The following HS3ST4 variants were observed in gnomAD, a reference collection of about 807,000 sequenced individuals.
HS3ST4 encodes the protein heparan sulfate glucosamine 3-O-sulfotransferase 4.
Under a neutral mutation model 29.2 loss-of-function variants are expected in HS3ST4, and 17 were observed. The observed-to-expected ratio is 0.58, with a 90% CI of 0.40 to 0.87. HS3ST4 has a LOEUF of 0.87. HS3ST4 is among the 40% of genes least tolerant of loss of function. HS3ST4 has a pLI of 0.00. For missense variants in HS3ST4, 627 were observed against 634.5 expected (o/e 0.99, Z 0.13); for synonymous variants, 314 against 285.7 (o/e 1.10, Z -1.00).
At chr16:26,135,415 T>C (rs957236545) in intron 1 of HS3ST4, among the ~76,000 whole-genome samples, 197 bp from the exon 2 acceptor site, 1 of 152,140 alleles carries the variant, frequency 6.6e-6, no homozygotes, top group Non-Finnish European at 1.5e-5. Flanking sequence ...GTATATGCCT[T>C]GTGTTGCCTT....
chr16:25,934,338 A>T (rs1968497076), intron 1 of HS3ST4, among the ~76,000 whole-genome samples: 1 of 152,246 alleles, frequency 6.6e-6, no homozygotes. Context: ...CAAAGACCTC[A>T]TAGCACAGAT....
chr16:25,853,666 T>A (rs1460124556), intron 1 of HS3ST4, among the ~76,000 whole-genome samples: 1 of 152,230 alleles, frequency 6.6e-6, no homozygotes, highest in African/African-American at 2.4e-5. Context: ...GTTAATATGA[T>A]GTATCACATT....
intron 1 of HS3ST4, among the ~76,000 whole-genome samples, chr16:26,062,048 A>G (rs1295836656): frequency 6.6e-6 from 1 of 152,214 alleles, no homozygotes; most frequent in Non-Finnish European, 1.5e-5. Flanking sequence ...GTGTTCTACC[A>G]TCTGGAGTTG....
intron 1 of HS3ST4, among the ~76,000 whole-genome samples, chr16:25,909,809 A>C (rs1968217929): frequency 6.6e-6 from 1 of 152,240 alleles, no homozygotes. Flanking sequence ...TGTGAGGGTC[A>C]GTACAGGCTC....
rs369054056 is a variant in HS3ST4, at chr16:25,889,321, C to T, written c.734+196170C>T. Reference sequence around the variant, plus strand: ...CCTAATTGTTTCTTAGACTGGAGAACAAGAAAGTCGGGGCTCTCCCCTCCG... The same window carrying T: ...CCTAATTGTTTCTTAGACTGGAGAATAAGAAAGTCGGGGCTCTCCCCTCCG... On this transcript the variant is annotated intron_variant, in intron 1 of 1. Coordinates refer to ENST00000331351, the MANE Select transcript of HS3ST4 (RefSeq NM_006040.3). Among the ~76,000 whole-genome samples, 47 of 152,310 alleles carry T rather than the reference C, an allele frequency of 3.1e-4. No individual in the cohort carries two copies. In the East Asian group the frequency reaches 6.0e-3, roughly 19 times the overall value.
chr16:25,734,698 G>A (rs1288082545), intron 1 of HS3ST4, among the ~76,000 whole-genome samples: 1 of 152,188 alleles, frequency 6.6e-6, no homozygotes, highest in East Asian at 1.9e-4. Flanking sequence ...CATGTAATGA[G>A]CTGGGTGATA....
rs116674556 is a variant in HS3ST4 at position 25,866,771 on chromosome 16, A to G, written c.734+173620A>G. Among the ~76,000 whole-genome samples, 428 of 152,370 alleles carry G rather than the reference A, an allele frequency of 2.8e-3. 3 individuals carry two copies. The highest frequency in any genetic ancestry group is 1.0e-2 in the African/African-American group (414 of 41,584). On this transcript the variant is annotated intron_variant, in intron 1 of 1. Coordinates refer to ENST00000331351, the MANE Select transcript of HS3ST4 (RefSeq NM_006040.3). ...AAACCACCATGGCACATGTATACCT[A>G]GGAAACAAGCCTGCACATTCTGCAC...
At chr16:25,890,214 A>G (rs1035385436) in intron 1 of HS3ST4, among the ~76,000 whole-genome samples, 6 of 152,210 alleles carry the variant, frequency 3.9e-5, no homozygotes, top group Non-Finnish European at 8.8e-5. Flanking sequence ...CCCAAGTCAC[A>G]CAAATAATAT....
intron 1 of HS3ST4, among the ~76,000 whole-genome samples, chr16:26,100,107 C>G (rs548714538): frequency 6.6e-6 from 1 of 151,866 alleles, no homozygotes; most frequent in Non-Finnish European, 1.5e-5. Context: ...GACATACAGA[C>G]GGGAAGAACT....
chr16:26,112,551 T>G (rs1457400698), intron 1 of HS3ST4, among the ~76,000 whole-genome samples: 1 of 151,596 alleles, frequency 6.6e-6, no homozygotes, highest in Non-Finnish European at 1.5e-5. Flanking sequence ...TACATTAACA[T>G]TAAAACTTCT....
At chr16:25,985,405 T>C (rs1332768148) in intron 1 of HS3ST4, among the ~76,000 whole-genome samples, 1 of 151,848 alleles carries the variant, frequency 6.6e-6, no homozygotes, top group East Asian at 1.9e-4. Context: ...AGTGAAGTGG[T>C]AGGGTACAAA....
chr16:25,853,310 GTGTA>G (rs774811530), intron 1 of HS3ST4, among the ~76,000 whole-genome samples: 156 of 143,248 alleles, frequency 1.1e-3, no homozygotes, highest in African/African-American at 3.4e-3. Context: ...GTGTGTGTGT[GTGTA>G]TATATATATA....
At chr16:26,007,485 G>C (rs1006251194) in intron 1 of HS3ST4, among the ~76,000 whole-genome samples, 1 of 152,172 alleles carries the variant, frequency 6.6e-6, no homozygotes, top group African/African-American at 2.4e-5. Context: ...GAATGTTAAC[G>C]TCTGCATTTC....
chr16:25,820,596 TA>T (rs1259862948), intron 1 of HS3ST4, among the ~76,000 whole-genome samples: 1 of 151,740 alleles, frequency 6.6e-6, no homozygotes, highest in African/African-American at 2.4e-5. Context: ...TGTTGTTGTT[TA>T]TTTTTATTTT....
Position 25,830,545 on chromosome 16 carries a change from G to A in HS3ST4, c.734+137394G>A, listed in dbSNP as rs117159114. Among the ~76,000 whole-genome samples, 783 of 152,282 alleles carry A rather than the reference G, an allele frequency of 5.1e-3. 4 individuals are homozygous for A. Among genetic ancestry groups the A allele is most frequent in the Non-Finnish European group, 8.1e-3 (550 of 68,018 alleles). Reference sequence around the variant, plus strand: ...TTGTCCTTCTATATCCAATGACTAAGTTGACTTAAAGATGTCGCCAGTGTC... The same window carrying A: ...TTGTCCTTCTATATCCAATGACTAAATTGACTTAAAGATGTCGCCAGTGTC... On this transcript the variant is annotated intron_variant, in intron 1 of 1. Coordinates refer to ENST00000331351, the MANE Select transcript of HS3ST4 (RefSeq NM_006040.3).
chr16:25,830,451 G>A (rs1967283277), intron 1 of HS3ST4, among the ~76,000 whole-genome samples: 2 of 152,090 alleles, frequency 1.3e-5, no homozygotes, highest in Non-Finnish European at 2.9e-5. Flanking sequence ...CTCTGCAGGG[G>A]GAGGCATCAC....
chr16:25,898,013 C>A (rs143579135), intron 1 of HS3ST4, among the ~76,000 whole-genome samples: 100 of 152,266 alleles, frequency 6.6e-4, no homozygotes, highest in African/African-American at 2.3e-3. Flanking sequence ...CGCAGGCGAG[C>A]CCTGGCAGTG....
intron 1 of HS3ST4, among the ~76,000 whole-genome samples, chr16:26,110,377 C>T (rs1352369056): frequency 2.6e-5 from 4 of 152,054 alleles, no homozygotes; most frequent in Admixed American, 6.6e-5. Flanking sequence ...TGGATGTAGA[C>T]GAGGCATCTC....
intron 1 of HS3ST4, among the ~76,000 whole-genome samples, chr16:26,073,493 G>C (rs1567306396): frequency 6.6e-6 from 1 of 152,040 alleles, no homozygotes; most frequent in Non-Finnish European, 1.5e-5. Context: ...TCCCACCATA[G>C]CCTCCCAAGT....
Sources: allele counts gnomAD v4.1 joint callset (sites outside exome capture counted in the v4.1 genomes callset), GRCh38; gene constraint gnomAD v4.1.1; transcripts MANE v1.5; gene names NCBI Gene and HGNC (gene_info 2026-07-23, HGNC 2026-07-21).